HCN1: variants seen among roughly 807,000 people sequenced by gnomAD.
The protein encoded by HCN1 is potassium/sodium hyperpolarization-activated cyclic nucleotide-gated channel 1.
In HCN1, 13 loss-of-function variants were observed where a neutral mutation model predicts 78.9. The observed-to-expected ratio is 0.16, with a 90% CI of 0.11 to 0.26. The LOEUF is 0.26. Among genes scored for constraint, HCN1 ranks in the 10% least tolerant of loss-of-function variants. The pLI is 1.00. For missense variants in HCN1, 810 were observed against 1,154.3 expected (o/e 0.70, Z 4.32); for synonymous variants, 552 against 455.5 (o/e 1.21, Z -2.70).
At chr5:45,299,055 C>G (rs770515789) in intron 6 of HCN1, among the ~76,000 whole-genome samples, 2 of 151,920 alleles carry the variant, frequency 1.3e-5, no homozygotes, top group South Asian at 2.1e-4. Flanking sequence ...AACCAGTGCT[C>G]CTTAAAACTG....
At chr5:45,466,095 T>C (rs1188225747) in intron 2 of HCN1, among the ~76,000 whole-genome samples, 1 of 152,186 alleles carries the variant, frequency 6.6e-6, no homozygotes, top group Non-Finnish European at 1.5e-5. Flanking sequence ...TTTTGTGATA[T>C]TTTCCCAGGA....
intron 6 of HCN1, among the ~76,000 whole-genome samples, chr5:45,271,401 C>CACACACAG (rs1491448476): frequency 3.4e-5 from 5 of 145,176 alleles, no homozygotes; most frequent in African/African-American, 1.0e-4. Flanking sequence ...CACACACACA[C>CACACACAG]AGACACAGTT....
At chr5:45,334,375 T>C (rs1746408396) in intron 5 of HCN1, among the ~76,000 whole-genome samples, 1 of 151,870 alleles carries the variant, frequency 6.6e-6, no homozygotes, top group Admixed American at 6.6e-5. Flanking sequence ...GTGCAAACTC[T>C]TTCCACTGAG....
chr5:45,645,442 T>C lies in HCN1; in HGVS notation c.592A>G (p.Thr198Ala). Reference sequence around the variant, plus strand: ...ATTTCAGAACTGTCTTCATTGACAGTCCCAGTCCTAAAATTCATGATCAGG... The same window carrying C: ...ATTTCAGAACTGTCTTCATTGACAGCCCCAGTCCTAAAATTCATGATCAGG... ...LDLIMNFRTG[T>A]VNEDSSEIIL... The change falls in exon 2 of 8, where the codon ACT becomes GCT. Residue 198 changes from threonine to alanine, a missense_variant. By Grantham distance (58) the Thr-to-Ala change is moderately conservative. Transcript: ENST00000303230. 2 of 1,613,734 alleles carry C rather than the reference T, an allele frequency of 1.2e-6. No individual in the cohort carries two copies. The highest frequency in any genetic ancestry group is 8.5e-7 in the Non-Finnish European group (1 of 1,179,786).
At chr5:45,650,782 C>A (rs573821022) in intron 1 of HCN1, among the ~76,000 whole-genome samples, 1 of 151,626 alleles carries the variant, frequency 6.6e-6, no homozygotes, top group African/African-American at 2.4e-5. Context: ...TTCAGTCATA[C>A]TTTTTTTTCT....
At chr5:45,447,538 G>A (rs189919660) in intron 3 of HCN1, among the ~76,000 whole-genome samples, 16 of 152,212 alleles carry the variant, frequency 1.1e-4, no homozygotes, top group Admixed American at 3.9e-4. Context: ...CCACTCACCC[G>A]GCCCAGGTTA....
intron 2 of HCN1, among the ~76,000 whole-genome samples, chr5:45,563,902 TTCTA>T (rs1743655403): frequency 6.6e-6 from 1 of 152,178 alleles, no homozygotes; most frequent in South Asian, 2.1e-4. Context: ...CTTCTCCAAT[TTCTA>T]TCTATGTCAG....
chr5:45,441,238 T>C (rs1740672476), intron 3 of HCN1, among the ~76,000 whole-genome samples: 1 of 152,150 alleles, frequency 6.6e-6, no homozygotes, highest in Admixed American at 6.6e-5. Flanking sequence ...TATTTTTTTC[T>C]GAGAAAAACA....
chr5:45,391,001 C>T (rs1026932427), intron 4 of HCN1, among the ~76,000 whole-genome samples: 5 of 152,086 alleles, frequency 3.3e-5, no homozygotes, highest in South Asian at 2.1e-4. Flanking sequence ...CGCCTGAGAA[C>T]GTTTGGCTCT....
At chr5:45,296,504 T>A (rs1261642097) in intron 6 of HCN1, among the ~76,000 whole-genome samples, 1 of 151,852 alleles carries the variant, frequency 6.6e-6, no homozygotes, top group African/African-American at 2.4e-5. Context: ...ATTAGATAAA[T>A]ATATTAGAAT....
intron 2 of HCN1, among the ~76,000 whole-genome samples, chr5:45,520,739 A>G (rs541320780): frequency 1.2e-4 from 19 of 152,036 alleles, no homozygotes; most frequent in Non-Finnish European, 2.4e-4. Context: ...GAGGACTTAC[A>G]TTATGGCAGA....
chr5:45,660,517 T>A (rs1413630777), intron 1 of HCN1, among the ~76,000 whole-genome samples: 1 of 151,208 alleles, frequency 6.6e-6, no homozygotes, highest in African/African-American at 2.4e-5. Flanking sequence ...GCAAGTTGGA[T>A]AAAGAGTCAA....
At chr5:45,695,592 C>A in intron 1 of HCN1, 77 bp downstream of exon 1, 1 of 1,430,700 alleles carries the variant, frequency 7.0e-7, no homozygotes, top group South Asian at 1.2e-5. Flanking sequence ...CCCCGGGACG[C>A]CCCCCACCCA....
chr5:45,326,295 T>G (rs74521262), intron 5 of HCN1, among the ~76,000 whole-genome samples: 2,714 of 151,706 alleles, frequency 0.018, 105 homozygotes, highest in African/African-American at 0.063. Flanking sequence ...TGAAAGAAAT[T>G]TATATATGTA....
Position 45,396,544 on chromosome 5 carries a change from G to T in HCN1, c.1178C>A (p.Ala393Asp), listed in dbSNP as rs1561139558. The change falls in exon 4 of 8, where the codon GCC (alanine) becomes GAC (aspartate). Residue 393 changes from alanine (A) to aspartate (D), a missense_variant. Ala to Asp is a moderately radical substitution (Grantham distance 126). Transcript: ENST00000303230. Reference protein sequence around the residue: ...ATCYAMFVGHATALIQSLDSS... With the variant: ...ATCYAMFVGHDTALIQSLDSS... ...ATCCAGAGACTGGATTAAAGCGGTG[G>T]CATGGCCGACAAACATGGCATAGCA... is the stretch of plus-strand genomic sequence containing the variant. 6.2e-7 allele frequency: 1 copy of T among 1,613,812 alleles called. No homozygotes were observed. The highest frequency in any genetic ancestry group is 1.7e-5 in the Admixed American group (1 of 59,974).
At chr5:45,619,002 C>G (rs1164299821) in intron 2 of HCN1, among the ~76,000 whole-genome samples, 1 of 151,938 alleles carries the variant, frequency 6.6e-6, no homozygotes. Context: ...AGAGTAATTA[C>G]TATTTTAGTA....
intron 2 of HCN1, among the ~76,000 whole-genome samples, chr5:45,567,510 C>CTTTAATCTT (rs1434179831): frequency 4.0e-5 from 6 of 150,572 alleles, no homozygotes; most frequent in Non-Finnish European, 5.9e-5. Flanking sequence ...TAAAGATTAA[C>CTTTAATCTT]ACAGGTTAAC....
At chr5:45,551,381 CT>C (rs943742818) in intron 2 of HCN1, among the ~76,000 whole-genome samples, 236 of 144,544 alleles carry the variant, frequency 1.6e-3, no homozygotes, top group Middle Eastern at 3.5e-3. Context: ...ATCTCCCAAC[CT>C]TTTTTTTTTT....
At chr5:45,396,737 G>A (rs893216389) in intron 3 of HCN1, 27 bp from the exon 4 acceptor site, 2 of 1,572,246 alleles carry the variant, frequency 1.3e-6, no homozygotes, top group African/African-American at 2.7e-5. Context: ...AAAGAAAATT[G>A]ACTGAGCCAT....
Sources: allele counts gnomAD v4.1 joint callset (sites outside exome capture counted in the v4.1 genomes callset), GRCh38; gene constraint gnomAD v4.1.1; transcripts MANE v1.5; gene names NCBI Gene and HGNC (gene_info 2026-07-23, HGNC 2026-07-21).